The following CAMSAP3 variants were observed in gnomAD, a reference collection of about 807,000 sequenced individuals.
CAMSAP3 encodes the protein calmodulin-regulated spectrin-associated protein 3.
CAMSAP3 carries 34 observed loss-of-function variants against 112.5 expected under a neutral mutation model. That is an observed-to-expected ratio of 0.30 (90% CI 0.23 to 0.40). The LOEUF (loss-of-function observed/expected upper bound fraction) is 0.40, where lower values mean the gene tolerates loss of function less well. CAMSAP3 is among the 10% of genes least tolerant of loss of function. CAMSAP3 has a pLI of 1.00. For synonymous variants in CAMSAP3, 868 were observed against 799.8 expected, an observed-to-expected ratio of 1.09 and a Z score of -1.44; for missense variants, 1,602 against 1,770.3, an observed-to-expected ratio of 0.90 and a Z score of 1.71.
At position 7,599,589 on chromosome 19, in the gene CAMSAP3, C is replaced by CCAT. The variant is rs1568437894; in HGVS notation, c.148+3440_148+3441insATC. 1.3e-3 allele frequency among the ~76,000 whole-genome samples: 118 copies of CCAT among 90,448 alleles called. 1 individual carries two copies. Among genetic ancestry groups the CCAT allele is most frequent in the Middle Eastern group, 6.8e-3 (1 of 146 alleles). 59.3% of individuals were successfully genotyped at this position (90,448 alleles called of 152,430 possible). A position where few individuals can be genotyped will look rare whatever the true frequency, so the allele number is the denominator to read the frequency against. ...ATCCATCCATCCATCCATCCATCCA[C>CCAT]CCACCCACCTACTCACCGCACTCAT... On this transcript the variant is annotated intron_variant, in intron 1 of 16. Transcript: ENST00000160298.
At position 7,606,306 on chromosome 19, in the gene CAMSAP3, T is replaced by A. The variant is rs1156899157; in HGVS notation, c.438T>A (p.Ala146=). 1 of 1,613,860 alleles carries A rather than the reference T, an allele frequency of 6.2e-7. No homozygotes were observed. Among genetic ancestry groups the A allele is most frequent in the East Asian group, 2.2e-5 (1 of 44,870 alleles). The change falls in exon 3 of 17, where the codon GCT becomes GCA. Residue 146 remains alanine, a synonymous_variant. Coordinates refer to ENST00000160298, the MANE Select transcript of CAMSAP3 (RefSeq NM_020902.2). The part of the protein sequence containing the change: ...AHLAVIDALM[A]AFAFEWTKTL... ...TAGCTGTCATTGATGCCCTCATGGC[T>A]GCCTTTGCCTTCGAGTGGACAAAGA...
At position 7,615,706 on chromosome 19, in the gene CAMSAP3, C is replaced by T; in HGVS notation, c.3099C>T (p.Ala1033=). Reference sequence around the variant, plus strand: ...ACTCAGCCCTGGCACGAAGCCCAGCCCGCGGCCTGCTGGGTGAGGACCCTT... The same window carrying T: ...ACTCAGCCCTGGCACGAAGCCCAGCTCGCGGCCTGCTGGGTGAGGACCCTT... ...CDDSALARSP[A]RGLLGSRLSK... is the part of the protein sequence containing the mutation. The change falls in exon 13 of 17, where the codon GCC becomes GCT. Residue 1033 remains alanine (A), a synonymous_variant. Transcript: ENST00000160298. This position sits in a 1 kb window ranked among gnomAD's most constrained non-coding sequence, Gnocchi z 6.5. 1 of 1,406,136 alleles carries T rather than the reference C, an allele frequency of 7.1e-7. No homozygotes were observed. The highest frequency in any genetic ancestry group is 2.9e-5 in the East Asian group (1 of 35,068). The allele number at this position is 1,406,136 out of a possible 1,614,324, so 87.1% of individuals were successfully genotyped here.
Position 7,605,374 on chromosome 19 carries a change from C to A in CAMSAP3, c.297C>A (p.Pro99=). The stretch of plus-strand genomic sequence containing the variant: ...CACTGCCACAGCTTGAAACACCCCC[C>A]AACCCCTCTGCACTGCTGGCCCTGC... The part of the protein sequence containing the change: ...RQALPQLETP[P]NPSALLALLA... The change falls in exon 2 of 17, where the codon CCC becomes CCA. Residue 99 remains proline (P), a synonymous_variant. Transcript: ENST00000160298. 1 of 1,592,082 alleles carries A rather than the reference C, an allele frequency of 6.3e-7. No homozygotes were observed.
At chr19:7,596,520 T>C (rs1438089738) in intron 1 of CAMSAP3, among the ~76,000 whole-genome samples, 2 of 114,636 alleles carry the variant, frequency 1.7e-5, no homozygotes, top group East Asian at 3.9e-4. Flanking sequence ...TTGCACGCCT[T>C]CTTCTCTTTT....
chr19:7,604,840 C>A (rs1375884083), intron 1 of CAMSAP3, among the ~76,000 whole-genome samples: 1 of 152,144 alleles, frequency 6.6e-6, no homozygotes, highest in Admixed American at 6.5e-5. Flanking sequence ...TCTACATTGG[C>A]AAGAGCAGGA....
At position 7,612,347 on chromosome 19, in the gene CAMSAP3, G is replaced by C. The variant is rs1301553447; in HGVS notation, c.1854G>C (p.Lys618Asn). The C allele has an allele frequency of 6.2e-7, 1 of 1,603,870 alleles. No individual in the cohort carries two copies. The highest frequency in any genetic ancestry group is 8.5e-7 in the Non-Finnish European group (1 of 1,177,852). The change falls in exon 11 of 17, where the codon AAG (lysine) becomes AAC (asparagine). Residue 618 changes from lysine to asparagine, a missense_variant. Physicochemically the swap from Lys to Asn is moderately conservative, Grantham distance 94. Transcript: ENST00000160298. ...AACGCAGAGCCATCGAGGCTCAGAAGCGACGGATTGAGGCCATATTCGCCA... is the reference window on the plus strand; with the variant it reads ...AACGCAGAGCCATCGAGGCTCAGAACCGACGGATTGAGGCCATATTCGCCA... ...EEKRRAIEAQ[K>N]RRIEAIFAKH...
intron 5 of CAMSAP3, among the ~76,000 whole-genome samples, chr19:7,609,497 T>G (rs2030371082): frequency 6.6e-6 from 1 of 150,706 alleles, no homozygotes; most frequent in South Asian, 2.1e-4. Flanking sequence ...TGGGGGAGAG[T>G]GTTCTAGAAA....
rs959171758 is a variant in CAMSAP3 at position 7,617,059 on chromosome 19, G to A, written c.3213-267G>A. Reference sequence around the variant, plus strand: ...CGCCCCCTGGGTGCAAGTGATTCTCGTGCCTCAGCCTCCTGAGTAGCTGGG... The same window carrying A: ...CGCCCCCTGGGTGCAAGTGATTCTCATGCCTCAGCCTCCTGAGTAGCTGGG... On this transcript the variant is annotated intron_variant, in intron 14 of 16. Transcript: ENST00000160298. The surrounding 1 kb of genome is among the most constrained non-coding windows in gnomAD (Gnocchi z 7.5). Among the ~76,000 whole-genome samples, 3 of 148,190 alleles carry A rather than the reference G, an allele frequency of 2.0e-5. No homozygotes were observed. Among genetic ancestry groups the A allele is most frequent in the Admixed American group, 6.9e-5 (1 of 14,452 alleles).
At position 7,596,037 on chromosome 19, in the gene CAMSAP3, T is replaced by C; in HGVS notation, c.35T>C (p.Leu12Pro). The C allele has an allele frequency of 8.2e-7, 1 of 1,225,080 alleles. No individual in the cohort carries two copies. The highest frequency in any genetic ancestry group is 1.6e-5 in the South Asian group (1 of 62,270). 75.9% of individuals were successfully genotyped at this position (1,225,080 alleles called of 1,614,324 possible). The change falls in exon 1 of 17, where the codon CTG (leucine) becomes CCG (proline). Residue 12 changes from leucine (L) to proline (P), a missense_variant. Physicochemically the swap from Leu to Pro is moderately conservative, Grantham distance 98. Transcript: ENST00000160298. ...GCGGCGCCCCCCGGGCCCGGGCCGC[T>C]GCGGAGGACCTTTCTAGTGCCCGAG... ...VEAAPPGPGP[L>P]RRTFLVPEIK...
chr19:7,603,714 G>A (rs191321218), intron 1 of CAMSAP3, among the ~76,000 whole-genome samples: 1 of 152,310 alleles, frequency 6.6e-6, no homozygotes, highest in Non-Finnish European at 1.5e-5. Context: ...GCTGGGTGTG[G>A]TGGCACGTGC....
At chr19:7,609,846 G>A (rs1017953425) in intron 5 of CAMSAP3, among the ~76,000 whole-genome samples, 7 of 152,062 alleles carry the variant, frequency 4.6e-5, no homozygotes, top group Admixed American at 2.0e-4. Flanking sequence ...AATAGGGTTC[G>A]CGCTCCTGTA....
chr19:7,618,123 A>G lies in CAMSAP3; in HGVS notation c.*66A>G. ...GGCCGCCATCCCCTGGAGGACAGTC[A>G]GTCGGTATTCCTGGGTCCTGTCTGT... On this transcript the variant is annotated 3_prime_UTR_variant, in exon 17 of 17. Transcript: ENST00000160298. The G allele has an allele frequency of 6.5e-7, 1 of 1,533,476 alleles. No homozygotes were observed. Among genetic ancestry groups the G allele is most frequent in the Non-Finnish European group, 8.8e-7 (1 of 1,133,754 alleles). The allele number at this position is 1,533,476 out of a possible 1,614,324, so 95.0% of individuals were successfully genotyped here.
At position 7,596,020 on chromosome 19, in the gene CAMSAP3, C is replaced by T. The variant is rs1411599982; in HGVS notation, c.18C>T (p.Pro6=). 1.7e-6 allele frequency: 2 copies of T among 1,179,964 alleles called. No individual in the cohort carries two copies. The allele number at this position is 1,179,964 out of a possible 1,614,324, so 73.1% of individuals were successfully genotyped here. A position where few individuals can be genotyped will look rare whatever the true frequency, so the allele number is the denominator to read the frequency against. ...GCGCCGCCATGGTGGAGGCGGCGCC[C>T]CCCGGGCCCGGGCCGCTGCGGAGGA... The part of the protein sequence containing the change: MVEAA[P]PGPGPLRRTF... Residue 6 remains proline (P), a synonymous_variant, in exon 1 of 17, where the codon CCC becomes CCT. Coordinates refer to ENST00000160298, the MANE Select transcript of CAMSAP3 (RefSeq NM_020902.2).
chr19:7,611,275 C>G lies in CAMSAP3; in HGVS notation c.1123+107C>G. On this transcript the variant is annotated intron_variant, in intron 9 of 16. Transcript: ENST00000160298. The surrounding 1 kb of genome is among the most constrained non-coding windows in gnomAD (Gnocchi z 6.9). ...GTGAGCCTTCCAATAGCCTCTCCATCAGATCCCCCTTGGGCATCCCAAAGT... is the reference window on the plus strand; with the variant it reads ...GTGAGCCTTCCAATAGCCTCTCCATGAGATCCCCCTTGGGCATCCCAAAGT... 5.2e-6 allele frequency: 6 copies of G among 1,163,328 alleles called. No individual in the cohort carries two copies. Among genetic ancestry groups the G allele is most frequent in the Non-Finnish European group, 6.3e-6 (5 of 794,010 alleles). The allele number at this position is 1,163,328 out of a possible 1,614,324, so 72.1% of individuals were successfully genotyped here.
rs564784789 is a variant in CAMSAP3, at chr19:7,613,026, G to A, written c.2533G>A (p.Glu845Lys). ...GCCAGCCGCCCGGCCGGGCCTCATCGAGATCCCGCTGGGCAGCCTGGCAGA... is the reference window on the plus strand; with the variant it reads ...GCCAGCCGCCCGGCCGGGCCTCATCAAGATCCCGCTGGGCAGCCTGGCAGA... ...EEPAARPGLI[E>K]IPLGSLADPA... is the part of the protein sequence containing the mutation. The change falls in exon 11 of 17, where the codon GAG becomes AAG. Residue 845 changes from glutamate to lysine, a missense_variant. Glu to Lys is a moderately conservative substitution (Grantham distance 56, BLOSUM62 1). Coordinates refer to ENST00000160298, the MANE Select transcript of CAMSAP3 (RefSeq NM_020902.2). The A allele has an allele frequency of 1.3e-5, 21 of 1,556,596 alleles. No homozygotes were observed. The East Asian group carries it at 2.2e-4, about 16-fold the overall frequency.
Position 7,612,578 on chromosome 19 carries a change from G to T in CAMSAP3, c.2085G>T (p.Gly695=). ...ACCTGGGCCCGGTGCCCCACGAGGGGCTGGGGGAATACAATCGAGCGGTCA... is the reference window on the plus strand; with the variant it reads ...ACCTGGGCCCGGTGCCCCACGAGGGTCTGGGGGAATACAATCGAGCGGTCA... ...SPDLGPVPHE[G]LGEYNRAVSK... is the part of the protein sequence containing the mutation. Residue 695 remains glycine (G), a synonymous_variant, in exon 11 of 17, where the codon GGG becomes GGT. Transcript: ENST00000160298. The T allele has an allele frequency of 6.5e-7, 1 of 1,534,444 alleles. No individual in the cohort carries two copies. The highest frequency in any genetic ancestry group is 8.7e-7 in the Non-Finnish European group (1 of 1,145,156).
At chr19:7,606,234 G>T in intron 2 of CAMSAP3, 37 bp from the exon 3 acceptor site, 1 of 1,469,588 alleles carries the variant, frequency 6.8e-7, no homozygotes. Context: ...GCCTCCTGCA[G>T]CTCTCAGGTC....
chr19:7,604,264 G>A (rs2030097494), intron 1 of CAMSAP3, among the ~76,000 whole-genome samples: 1 of 152,040 alleles, frequency 6.6e-6, no homozygotes. Flanking sequence ...GGTCCTACGT[G>A]GATTTCTGCC....
intron 5 of CAMSAP3, among the ~76,000 whole-genome samples, chr19:7,609,622 C>T (rs989375332): frequency 6.6e-6 from 1 of 152,130 alleles, no homozygotes; most frequent in African/African-American, 2.4e-5. Flanking sequence ...AATTCAAGCA[C>T]GTTAATCTTT....
Sources: allele counts gnomAD v4.1 joint callset (sites outside exome capture counted in the v4.1 genomes callset), GRCh38; gene constraint gnomAD v4.1.1; non-coding constraint Gnocchi (gnomAD v3.1); transcripts MANE v1.5; gene names NCBI Gene and HGNC (gene_info 2026-07-23, HGNC 2026-07-21).